IGLL1: variants seen among roughly 807,000 people sequenced by gnomAD.
IGLL1 encodes immunoglobulin lambda like polypeptide 1.
In IGLL1, 10 loss-of-function variants were observed where a neutral mutation model predicts 10.5. The ratio of observed to expected loss-of-function variants is 0.95; its 90% CI spans 0.59 to 1.62. The LOEUF is 1.62. Among genes scored for constraint, IGLL1 ranks in the 40% most tolerant of loss-of-function variants. The probability of loss-of-function intolerance (pLI) is 0.00; values close to 1 mark genes in which losing one functional copy is unlikely to be tolerated. For missense variants in IGLL1, 284 were observed against 278.7 expected, an observed-to-expected ratio of 1.02 and a Z score of -0.14; for synonymous variants, 141 against 122.7, an observed-to-expected ratio of 1.15 and a Z score of -0.99.
chr22:23,574,845 G>A, intron 2 of IGLL1, 122 bp downstream of exon 2: 1 of 752,418 alleles, frequency 1.3e-6, no homozygotes, highest in Non-Finnish European at 2.4e-6. Context: ...AGGCCCCATG[G>A]ACAAAGGTAG....
chr22:23,575,035 C>T lies in IGLL1; in HGVS notation c.254G>A (p.Arg85Gln), dbSNP rs200178386. The T allele has an allele frequency of 2.7e-5, 44 of 1,613,998 alleles. No individual in the cohort carries two copies. The highest frequency in any genetic ancestry group is 3.3e-4 in the Middle Eastern group (2 of 6,060). Residue 85 changes from arginine (R) to glutamine (Q), a missense_variant, in exon 2 of 3, where the codon CGG becomes CAG. Transcript: ENST00000330377. ...TGAGTTATGCTTGGATTGAAACCCC[C>T]GGGGCCAGCACCTGGGGCCAGTCCA... ...GSWTGPRCWPRGFQSKHNSVT... is the reference protein window; with the variant it reads ...GSWTGPRCWPQGFQSKHNSVT...
intron 1 of IGLL1, among the ~76,000 whole-genome samples, chr22:23,578,468 G>A (rs1200621629): frequency 6.6e-6 from 1 of 152,148 alleles, no homozygotes; most frequent in East Asian, 1.9e-4. Context: ...GGGACTCCTT[G>A]CTCAGAAGTC....
intron 1 of IGLL1, among the ~76,000 whole-genome samples, chr22:23,577,889 C>CT (rs131420): frequency 0.2 from 28,012 of 138,280 alleles, 3,230 homozygotes; most frequent in East Asian, 0.44. Context: ...AGCATAATAC[C>CT]TTTTTTTTTT....
chr22:23,578,539 G>A (rs951332318), intron 1 of IGLL1, among the ~76,000 whole-genome samples: 12 of 152,176 alleles, frequency 7.9e-5, no homozygotes, highest in Non-Finnish European at 1.8e-4. Context: ...CTCCATGGCC[G>A]GGCTCCTGGT....
At chr22:23,579,554 A>G (rs1458741588) in intron 1 of IGLL1, among the ~76,000 whole-genome samples, 1 of 139,602 alleles carries the variant, frequency 7.2e-6, no homozygotes, top group South Asian at 2.4e-4. Context: ...TGAGGGTGGG[A>G]GTGGACAGGT....
Position 23,580,032 on chromosome 22 carries a change from TCCAGGGC to T in IGLL1, c.152_158del (p.Gly51GlufsTer11). 6 of 1,580,930 alleles carry T rather than the reference TCCAGGGC, an allele frequency of 3.8e-6. No individual in the cohort carries two copies. The highest frequency in any genetic ancestry group is 5.1e-6 in the Non-Finnish European group (6 of 1,167,020). On this transcript the variant is annotated frameshift_variant, in exon 1 of 3. Coordinates refer to ENST00000330377, the MANE Select transcript of IGLL1 (RefSeq NM_020070.4). LOFTEE classifies it high-confidence loss of function. Reference sequence around the variant, plus strand: ...TGGACCGGCTGCTTCCTCCAGGGGCTCCAGGGCCCAGGGCCCTGCTCTGCGATGCAGC... The same window carrying T: ...TGGACCGGCTGCTTCCTCCAGGGGCTCCAGGGCCCTGCTCTGCGATGCAGC...
intron 1 of IGLL1, among the ~76,000 whole-genome samples, chr22:23,575,600 G>T (rs2123698949): frequency 6.6e-6 from 1 of 152,152 alleles, no homozygotes; most frequent in East Asian, 1.9e-4. Context: ...CTATGCATCT[G>T]TCCATCTATT....
intron 1 of IGLL1, among the ~76,000 whole-genome samples, chr22:23,575,601 T>A (rs1925019563): frequency 1.3e-5 from 2 of 152,174 alleles, no homozygotes; most frequent in Admixed American, 1.3e-4. Context: ...TATGCATCTG[T>A]CCATCTATTC....
chr22:23,579,030 C>T (rs1240238281), intron 1 of IGLL1, among the ~76,000 whole-genome samples: 2 of 151,966 alleles, frequency 1.3e-5, no homozygotes, highest in Non-Finnish European at 2.9e-5. Flanking sequence ...CGTGTCCGCT[C>T]GATCAGCTTA....
chr22:23,577,680 C>G (rs760352319), intron 1 of IGLL1, among the ~76,000 whole-genome samples: 10 of 151,530 alleles, frequency 6.6e-5, no homozygotes, highest in Non-Finnish European at 1.5e-4. Flanking sequence ...GGACCACAGG[C>G]AAGTGCCACC....
Position 23,579,995 on chromosome 22 carries a change from G to A in IGLL1, c.196C>T (p.Arg66Trp), listed in dbSNP as rs762686953. ...TCTCTCACCCCTTACCTGCCCCACC[G>A]GCTCCTCAGGCTGGACCGGCTGCTT... is the stretch of plus-strand genomic sequence containing the variant. ...GGSSRSSLRS[R>W]WGRFLLQRGS... Residue 66 changes from arginine (R) to tryptophan (W), a missense_variant, in exon 1 of 3, where the codon CGG becomes TGG. By Grantham distance (101) the Arg-to-Trp change is moderately radical. Coordinates refer to ENST00000330377, the MANE Select transcript of IGLL1 (RefSeq NM_020070.4). The A allele has an allele frequency of 1.3e-5, 21 of 1,581,206 alleles. No homozygotes were observed. Among genetic ancestry groups the A allele is most frequent in the Admixed American group, 3.5e-5 (2 of 56,614 alleles).
intron 1 of IGLL1, among the ~76,000 whole-genome samples, chr22:23,577,183 G>A (rs1417880476): frequency 7.9e-5 from 12 of 152,248 alleles, no homozygotes; most frequent in African/African-American, 2.2e-4. Context: ...AGGCCGAGGC[G>A]GGTGGATGGC....
At chr22:23,577,813 A>G (rs967075021) in intron 1 of IGLL1, among the ~76,000 whole-genome samples, 26 of 152,060 alleles carry the variant, frequency 1.7e-4, no homozygotes, top group African/African-American at 5.8e-4. Context: ...GATTACAGGC[A>G]TGAGCCACTG....
At position 23,573,554 on chromosome 22, in the gene IGLL1, C is replaced by T. The variant is rs774610178; in HGVS notation, c.354G>A (p.Leu118=). The change falls in exon 3 of 3, where the codon CTG becomes CTA. Residue 118 remains leucine (L), a synonymous_variant. Transcript: ENST00000330377. ...GGAGCTCCTCAGAGGACGGCGGGAACAGAGTGACCGAGGGGGTGGCCTTGG... is the reference window on the plus strand; with the variant it reads ...GGAGCTCCTCAGAGGACGGCGGGAATAGAGTGACCGAGGGGGTGGCCTTGG... ...SQPKATPSVT[L]FPPSSEELQA... is the part of the protein sequence containing the mutation. The T allele has an allele frequency of 1.1e-5, 17 of 1,613,912 alleles. No homozygotes were observed. In the South Asian group the frequency reaches 1.8e-4, roughly 17 times the overall value.
At chr22:23,573,780 G>C (rs35090242) in intron 2 of IGLL1, among the ~76,000 whole-genome samples, 195 bp from the exon 3 acceptor site, 4,507 of 135,124 alleles carry the variant, frequency 0.033, 41 homozygotes, top group African/African-American at 0.057. Context: ...CTTCCTAGGA[G>C]CCCTTCCCAA....
In IGLL1 at chr22:23,573,172, G is replaced by A; in HGVS notation, c.*94C>T. 4 of 1,179,392 alleles carry A rather than the reference G, an allele frequency of 3.4e-6. No homozygotes were observed. The highest frequency in any genetic ancestry group is 5.1e-6 in the Non-Finnish European group (4 of 790,402). 73.1% of individuals were successfully genotyped at this position (1,179,392 alleles called of 1,614,324 possible). On this transcript the variant is annotated 3_prime_UTR_variant, in exon 3 of 3. Coordinates refer to ENST00000330377, the MANE Select transcript of IGLL1 (RefSeq NM_020070.4). ...TTTATTTAGGGTTTACTGGGTACAG[G>A]GAGAAGGGCTGGATGGCTTGGGATG...
In IGLL1 at chr22:23,579,903, C is replaced by T. The variant is rs942652956; in HGVS notation, c.206+82G>A. The T allele has an allele frequency of 8.3e-6, 10 of 1,199,166 alleles. No individual in the cohort carries two copies. The African/African-American group carries it at 1.4e-4, about 16-fold the overall frequency. 74.3% of individuals were successfully genotyped at this position (1,199,166 alleles called of 1,614,324 possible). A position where few individuals can be genotyped will look rare whatever the true frequency, so the allele number is the denominator to read the frequency against. On this transcript the variant is annotated intron_variant, in intron 1 of 2. Transcript: ENST00000330377. ...CAGGGATTAACCTTCCTCCTCACCC[C>T]TCTGGCTCGTCTCCCCTTGGTCATC...
At chr22:23,573,882 T>G (rs1924919411) in intron 2 of IGLL1, among the ~76,000 whole-genome samples, 1 of 151,886 alleles carries the variant, frequency 6.6e-6, no homozygotes, top group Admixed American at 6.6e-5. Context: ...CCCTCCTTCC[T>G]GGTTTCTGGA....
rs1924866122 is a variant in IGLL1 at position 23,573,281 on chromosome 22, AG to A, written c.626del (p.Pro209LeufsTer45). The stretch of plus-strand genomic sequence containing the variant: ...GGCTGGGAACCTATGAACATTCTGC[AG>A]GGGCCACCGTCTTCTCCACGGTGCT... ...EGSTVEKTVA[P>X]AECS On this transcript the variant is annotated frameshift_variant, in exon 3 of 3. Transcript: ENST00000330377. LOFTEE classifies it high-confidence loss of function. 1 of 1,613,904 alleles carries A rather than the reference AG, an allele frequency of 6.2e-7. No individual in the cohort carries two copies. The highest frequency in any genetic ancestry group is 1.7e-5 in the Admixed American group (1 of 59,992).
Sources: allele counts gnomAD v4.1 joint callset (sites outside exome capture counted in the v4.1 genomes callset), GRCh38; gene constraint gnomAD v4.1.1; transcripts MANE v1.5; gene names NCBI Gene and HGNC (gene_info 2026-07-23, HGNC 2026-07-21).